PEAK1: variants seen among roughly 807,000 people sequenced by gnomAD.
PEAK1 encodes pseudopodium enriched atypical kinase 1, also known as inactive tyrosine-protein kinase PEAK1.
In PEAK1, 54 loss-of-function variants were observed where a neutral mutation model predicts 124.7. The ratio of observed to expected loss-of-function variants is 0.43; its 90% CI spans 0.35 to 0.54. The LOEUF is 0.54. Ranked by LOEUF, PEAK1 falls within the 20% of genes least tolerant of loss-of-function variation. PEAK1 has a pLI of 0.01. For synonymous variants in PEAK1, 719 were observed against 760.0 expected (o/e 0.95, Z 0.89); for missense variants, 2,046 against 2,134.5 (o/e 0.96, Z 0.82).
At chr15:77,341,574 T>C (rs2066538137) in intron 2 of PEAK1, among the ~76,000 whole-genome samples, 1 of 151,946 alleles carries the variant, frequency 6.6e-6, no homozygotes, top group East Asian at 1.9e-4. Context: ...ATAGGCATGA[T>C]TGTTCAAATC....
At chr15:77,323,387 T>C (rs992095993) in intron 2 of PEAK1, among the ~76,000 whole-genome samples, 15 of 152,146 alleles carry the variant, frequency 9.9e-5, no homozygotes, top group East Asian at 3.9e-4. Context: ...GAAAACCCCA[T>C]TGTCTCAGCC....
At position 77,180,754 on chromosome 15, in the gene PEAK1, A is replaced by G. The variant is rs769418547; in HGVS notation, c.1173T>C (p.Ser391=). The change falls in exon 7 of 10, where the codon TCT becomes TCC. Residue 391 remains serine (S), a synonymous_variant. Transcript: ENST00000682557. ...KEIEPNYESP[S]SNNQDKDSSQ... is the part of the protein sequence containing the mutation. The stretch of plus-strand genomic sequence containing the variant: ...ATGAATCTTTATCCTGATTATTACT[A>G]GAGGGACTTTCATAATTGGGCTCAA... 1 of 1,614,116 alleles carries G rather than the reference A, an allele frequency of 6.2e-7. No individual in the cohort carries two copies. The highest frequency in any genetic ancestry group is 8.5e-7 in the Non-Finnish European group (1 of 1,179,996).
intron 1 of PEAK1, among the ~76,000 whole-genome samples, chr15:77,380,445 T>C (rs925478284): frequency 6.6e-6 from 1 of 152,156 alleles, no homozygotes; most frequent in Non-Finnish European, 1.5e-5. Context: ...GCTTATTATG[T>C]ACGTGGTCCA....
At chr15:77,207,705 G>C (rs1169949731) in intron 6 of PEAK1, among the ~76,000 whole-genome samples, 1 of 152,102 alleles carries the variant, frequency 6.6e-6, no homozygotes, top group East Asian at 1.9e-4. Context: ...TGGAGCAGAG[G>C]GGAATTTTAG....
intron 6 of PEAK1, among the ~76,000 whole-genome samples, chr15:77,240,721 C>T (rs2060319620): frequency 6.6e-6 from 1 of 151,840 alleles, no homozygotes; most frequent in African/African-American, 2.4e-5. Flanking sequence ...CTGACAACAC[C>T]ACCTTCATTT....
chr15:77,193,787 G>A (rs544200218), intron 6 of PEAK1, among the ~76,000 whole-genome samples: 9 of 150,902 alleles, frequency 6.0e-5, no homozygotes, highest in African/African-American at 2.2e-4. Flanking sequence ...CTGGGTGACA[G>A]AGTGAGACTC....
At chr15:77,176,679 T>G (rs2056896780) in intron 7 of PEAK1, among the ~76,000 whole-genome samples, 1 of 152,174 alleles carries the variant, frequency 6.6e-6, no homozygotes, top group African/African-American at 2.4e-5. Flanking sequence ...TATAACCTAA[T>G]TGTGAAAATA....
chr15:77,146,927 C>T (rs530417988), intron 8 of PEAK1, among the ~76,000 whole-genome samples: 1 of 152,204 alleles, frequency 6.6e-6, no homozygotes, highest in Admixed American at 6.5e-5. Flanking sequence ...TAAGTATATC[C>T]ACCCCGTAAA....
At chr15:77,411,091 G>C (rs2072371912) in intron 1 of PEAK1, among the ~76,000 whole-genome samples, 1 of 151,664 alleles carries the variant, frequency 6.6e-6, no homozygotes, top group Non-Finnish European at 1.5e-5. Flanking sequence ...TTTTGGGTTT[G>C]ACTTTAATAA....
At chr15:77,192,627 A>T (rs1228567727) in intron 6 of PEAK1, among the ~76,000 whole-genome samples, 1 of 152,180 alleles carries the variant, frequency 6.6e-6, no homozygotes, top group Non-Finnish European at 1.5e-5. Flanking sequence ...TGAGAGGTGG[A>T]ATGCCAGCCA....
intron 8 of PEAK1, 193 bp downstream of exon 8, chr15:77,158,310 A>T: frequency 1.7e-6 from 1 of 578,718 alleles, no homozygotes; most frequent in South Asian, 2.1e-5. Flanking sequence ...CACAGGGCTC[A>T]TGGGTGCAGG....
intron 8 of PEAK1, among the ~76,000 whole-genome samples, chr15:77,147,785 T>A (rs545417655): frequency 6.6e-6 from 1 of 152,178 alleles, no homozygotes; most frequent in Non-Finnish European, 1.5e-5. Flanking sequence ...AAGACCAATG[T>A]GATTTTTGTG....
intron 1 of PEAK1, among the ~76,000 whole-genome samples, chr15:77,381,854 T>A (rs2069510625): frequency 6.6e-6 from 1 of 152,078 alleles, no homozygotes; most frequent in Admixed American, 6.6e-5. Flanking sequence ...AAAACAAGAA[T>A]CTAAGAACCT....
intron 6 of PEAK1, among the ~76,000 whole-genome samples, chr15:77,209,756 T>C (rs944351229): frequency 1.3e-5 from 2 of 152,214 alleles, no homozygotes; most frequent in Non-Finnish European, 2.9e-5. Flanking sequence ...CCCACAAAGA[T>C]GTCCAAATCC....
At chr15:77,268,366 C>G (rs2061850173) in intron 5 of PEAK1, among the ~76,000 whole-genome samples, 1 of 151,540 alleles carries the variant, frequency 6.6e-6, no homozygotes, top group Admixed American at 6.6e-5. Context: ...CCCAGCTACG[C>G]AGAAGGCTGA....
chr15:77,264,316 T>A (rs1483372635), intron 5 of PEAK1, among the ~76,000 whole-genome samples: 1 of 152,094 alleles, frequency 6.6e-6, no homozygotes, highest in Non-Finnish European at 1.5e-5. Flanking sequence ...AGTCAAATTG[T>A]CCCTGTTTGC....
At chr15:77,331,709 TG>T (rs2065900885) in intron 2 of PEAK1, among the ~76,000 whole-genome samples, 1 of 151,868 alleles carries the variant, frequency 6.6e-6, no homozygotes, top group Admixed American at 6.6e-5. Flanking sequence ...CTCCGCCTCC[TG>T]GGTCCAAGCA....
At chr15:77,230,012 GA>G (rs767088230) in intron 6 of PEAK1, among the ~76,000 whole-genome samples, 3 of 152,106 alleles carry the variant, frequency 2.0e-5, no homozygotes, top group Non-Finnish European at 2.9e-5. Flanking sequence ...TGCCAGCTAT[GA>G]CATGGTATAT....
intron 1 of PEAK1, among the ~76,000 whole-genome samples, chr15:77,386,576 T>C (rs1163652074): frequency 4.0e-5 from 6 of 151,892 alleles, no homozygotes; most frequent in Admixed American, 6.6e-5. Flanking sequence ...ATTAAAAAAA[T>C]AGAAAGGGCT....
Sources: gnomAD v4.1 joint callset for allele counts (sites outside exome capture counted in the v4.1 genomes callset) on GRCh38, gnomAD v4.1.1 for gene constraint, MANE v1.5 for transcripts, NCBI Gene and HGNC (gene_info 2026-07-23, HGNC 2026-07-21) for gene names.